CTNNA3: variants seen among roughly 807,000 people sequenced by gnomAD.
CTNNA3 encodes catenin alpha 3, also known as catenin alpha-3.
In CTNNA3, 76 loss-of-function variants were observed where a neutral mutation model predicts 95.7. The observed-to-expected ratio is 0.79, with a 90% CI of 0.66 to 0.96. CTNNA3 has a LOEUF of 0.96. Among genes scored for constraint, CTNNA3 ranks in the 40% least tolerant of loss-of-function variants. The pLI, the probability that CTNNA3 is intolerant of heterozygous loss-of-function variation, is 0.00. For synonymous variants in CTNNA3, 431 were observed against 374.4 expected (o/e 1.15, Z -1.74); for missense variants, 1,191 against 1,089.8 (o/e 1.09, Z -1.31).
At chr10:66,607,472 C>CAAAAAAAAAAAAAAAAAAA (rs574854850) in intron 10 of CTNNA3, among the ~76,000 whole-genome samples, 2 of 45,272 alleles carry the variant, frequency 4.4e-5, no homozygotes, top group African/African-American at 1.0e-4. Flanking sequence ...CAGAGACAAC[C>CAAAAAAAAAAAAAAAAAAA]AAAAAAAAAA....
rs138407708 is a variant in CTNNA3, at chr10:66,004,664, A to G, written c.2160-15867T>C. Reference sequence around the variant, plus strand: ...ACTAAGTTTGTTTTCTATAACATCTAAAGAGCACAGCTGTCTAAGAAACAC... The same window carrying G: ...ACTAAGTTTGTTTTCTATAACATCTGAAGAGCACAGCTGTCTAAGAAACAC... On this transcript the variant is annotated intron_variant, in intron 15 of 17. Transcript: ENST00000433211. 6.2e-3 allele frequency among the ~76,000 whole-genome samples: 946 copies of G among 152,342 alleles called. 14 individuals carry two copies. Among genetic ancestry groups the G allele is most frequent in the African/African-American group, 0.022 (897 of 41,570 alleles).
intron 1 of CTNNA3, among the ~76,000 whole-genome samples, chr10:67,711,724 C>T (rs1443752191): frequency 9.0e-6 from 1 of 111,352 alleles, no homozygotes; most frequent in Non-Finnish European, 1.8e-5. Flanking sequence ...CCGATGCTAT[C>T]CCTCCCCCCT....
intron 7 of CTNNA3, among the ~76,000 whole-genome samples, chr10:66,815,479 T>C (rs1334285258): frequency 6.6e-6 from 1 of 152,142 alleles, no homozygotes. Flanking sequence ...TGTCTGGTGG[T>C]TCTTGGGAAG....
intron 13 of CTNNA3, among the ~76,000 whole-genome samples, chr10:66,128,872 T>TTGTG (rs142136479): frequency 6.7e-6 from 1 of 150,162 alleles, no homozygotes; most frequent in African/African-American, 2.4e-5. Context: ...CTGTGTGAGT[T>TTGTG]TGTGTGTGTG....
At chr10:67,690,476 T>G (rs541297232) in intron 1 of CTNNA3, among the ~76,000 whole-genome samples, 3 of 152,184 alleles carry the variant, frequency 2.0e-5, no homozygotes, top group Admixed American at 1.3e-4. Context: ...TTTTACAGAG[T>G]GCTGATTGGT....
At chr10:67,258,290 C>A (rs906026545) in intron 5 of CTNNA3, among the ~76,000 whole-genome samples, 4 of 152,014 alleles carry the variant, frequency 2.6e-5, no homozygotes, top group Non-Finnish European at 5.9e-5. Context: ...ACTACAGGTG[C>A]ACACCACCAC....
intron 7 of CTNNA3, among the ~76,000 whole-genome samples, chr10:67,083,775 G>C (rs1416202123): frequency 2.6e-5 from 4 of 151,992 alleles, no homozygotes; most frequent in African/African-American, 7.3e-5. Flanking sequence ...AAATACATTA[G>C]TTCTCCCCAT....
At chr10:66,330,582 A>G (rs985009283) in intron 12 of CTNNA3, among the ~76,000 whole-genome samples, 3 of 152,148 alleles carry the variant, frequency 2.0e-5, no homozygotes, top group Admixed American at 1.3e-4. Flanking sequence ...CTGGGTATAC[A>G]CCCAGCAATG....
intron 9 of CTNNA3, among the ~76,000 whole-genome samples, chr10:66,700,753 T>A (rs12257339): frequency 0.14 from 21,300 of 152,148 alleles, 1,911 homozygotes; most frequent in African/African-American, 0.24. Flanking sequence ...TGCCTTGCAG[T>A]TTTGCACCTT....
chr10:66,556,229 T>C (rs573130861), intron 10 of CTNNA3, among the ~76,000 whole-genome samples: 1 of 151,828 alleles, frequency 6.6e-6, no homozygotes, highest in Non-Finnish European at 1.5e-5. Context: ...TTGGCAAGGG[T>C]GAGCAGAAAA....
At chr10:66,086,568 C>T (rs1589363029) in intron 14 of CTNNA3, among the ~76,000 whole-genome samples, 3 of 151,922 alleles carry the variant, frequency 2.0e-5, no homozygotes, top group East Asian at 1.9e-4. Flanking sequence ...AAAACACACA[C>T]GTTTAAAACA....
intron 15 of CTNNA3, among the ~76,000 whole-genome samples, chr10:65,992,966 G>C (rs1453326538): frequency 6.6e-6 from 1 of 151,924 alleles, no homozygotes; most frequent in African/African-American, 2.4e-5. Context: ...TCAGAAACTT[G>C]TTTGATTTCC....
intron 11 of CTNNA3, among the ~76,000 whole-genome samples, chr10:66,417,219 C>T (rs2093154370): frequency 6.6e-6 from 1 of 151,860 alleles, no homozygotes; most frequent in Admixed American, 6.6e-5. Context: ...TAACAGAATT[C>T]AAAGTGAGCA....
chr10:67,328,790 G>A (rs2132575866), intron 5 of CTNNA3, among the ~76,000 whole-genome samples: 1 of 152,234 alleles, frequency 6.6e-6, no homozygotes, highest in East Asian at 1.9e-4. Flanking sequence ...CTTCATGAGA[G>A]CCGTTCCACC....
At chr10:67,344,772 G>A (rs948964196) in intron 5 of CTNNA3, among the ~76,000 whole-genome samples, 1 of 151,532 alleles carries the variant, frequency 6.6e-6, no homozygotes, top group Non-Finnish European at 1.5e-5. Context: ...TGTCAATTTT[G>A]TTTAGCTTTT....
chr10:66,676,221 G>C (rs540646651), intron 9 of CTNNA3, among the ~76,000 whole-genome samples: 1 of 151,756 alleles, frequency 6.6e-6, no homozygotes, highest in Non-Finnish European at 1.5e-5. Context: ...GGCTTGTTCT[G>C]TGTAGGCAGG....
chr10:66,767,910 A>T (rs1386271223), intron 8 of CTNNA3, among the ~76,000 whole-genome samples: 1 of 152,254 alleles, frequency 6.6e-6, no homozygotes, highest in East Asian at 1.9e-4. Flanking sequence ...TCTGCTTAGT[A>T]TGCAGAAAGG....
intron 5 of CTNNA3, among the ~76,000 whole-genome samples, chr10:67,481,337 G>A (rs369549688): frequency 6.6e-6 from 1 of 152,070 alleles, no homozygotes; most frequent in South Asian, 2.1e-4. Flanking sequence ...GAATTCAAAT[G>A]ATCTCTCTTC....
Position 66,360,742 on chromosome 10 carries a change from TTCTTC to T in CTNNA3, c.1732+18405_1732+18409del, listed in dbSNP as rs1445891090. Among the ~76,000 whole-genome samples, 27 of 59,380 alleles carry T rather than the reference TTCTTC, an allele frequency of 4.5e-4. 5 individuals are homozygous for T. In the South Asian group the frequency reaches 8.4e-3, roughly 18 times the overall value. 39.0% of individuals were successfully genotyped at this position (59,380 alleles called of 152,430 possible). On this transcript the variant is annotated intron_variant, in intron 12 of 17. Transcript: ENST00000433211. ...TTTCTTCCTTTCTTTCTTTCTTTCT[TTCTTC>T]CTTCCTTCCTTCCTTCCTTCCTTTT...
Sources: gnomAD v4.1 joint callset for allele counts (sites outside exome capture counted in the v4.1 genomes callset) on GRCh38, gnomAD v4.1.1 for gene constraint, MANE v1.5 for transcripts, NCBI Gene and HGNC (gene_info 2026-07-23, HGNC 2026-07-21) for gene names.